DLGAP2: variants seen among roughly 807,000 people sequenced by gnomAD.
The protein encoded by DLGAP2 is disks large-associated protein 2.
Under a neutral mutation model 100.3 loss-of-function variants are expected in DLGAP2, and 26 were observed. The ratio of observed to expected loss-of-function variants is 0.26; its 90% CI spans 0.19 to 0.36. The LOEUF (loss-of-function observed/expected upper bound fraction) is 0.36. Ranked by LOEUF, DLGAP2 falls within the 10% of genes least tolerant of loss-of-function variation. DLGAP2 has a pLI of 1.00. For synonymous variants in DLGAP2, 886 were observed against 630.1 expected (o/e 1.41, Z -6.08); for missense variants, 1,858 against 1,453.2 (o/e 1.28, Z -4.53).
chr8:1,002,334 A>G (rs1214410629), intron 2 of DLGAP2: 15 of 152,224 alleles, frequency 9.9e-5, no homozygotes. Flanking sequence ...GATCTTCCTG[A>G]GATTAGCCCA....
chr8:816,849 C>A (rs1339105431), intron 1 of DLGAP2, among the ~76,000 whole-genome samples: 1 of 152,168 alleles, frequency 6.6e-6, no homozygotes, highest in Non-Finnish European at 1.5e-5. Context: ...TCTCTGGAAA[C>A]AATTATTCTT....
rs1799743409 is a variant in DLGAP2, at chr8:1,707,670, G to A, written c.*6264G>A. ...TCATCCCCCGACCTTCCATACTACA[G>A]ACCAAAATACCCAGGTGTGGCCTAA... On this transcript the variant is annotated 3_prime_UTR_variant, in exon 15 of 15. Transcript: ENST00000637795. The A allele has an allele frequency of 6.6e-6, 1 of 152,172 alleles. No homozygotes were observed. The highest frequency in any genetic ancestry group is 1.9e-4 in the East Asian group (1 of 5,168). 9.4% of individuals were successfully genotyped at this position (152,172 alleles called of 1,614,324 possible).
intron 2 of DLGAP2, among the ~76,000 whole-genome samples, chr8:994,731 G>C (rs184988211): frequency 1.1e-3 from 162 of 152,308 alleles, no homozygotes; most frequent in Non-Finnish European, 1.9e-3. Flanking sequence ...CTGGGCATTG[G>C]AGAGAGCCTG....
chr8:1,443,292 G>T (rs561070595), intron 3 of DLGAP2, among the ~76,000 whole-genome samples: 10 of 151,518 alleles, frequency 6.6e-5, no homozygotes, highest in African/African-American at 2.2e-4. Flanking sequence ...TCCCTCCACT[G>T]CCCAGAGATA....
At chr8:863,685 GC>G (rs1324932914) in intron 1 of DLGAP2, among the ~76,000 whole-genome samples, 1 of 152,166 alleles carries the variant, frequency 6.6e-6, no homozygotes, top group Non-Finnish European at 1.5e-5. Flanking sequence ...CTGTCCCCTG[GC>G]CCCTGTTCGA....
intron 2 of DLGAP2, among the ~76,000 whole-genome samples, chr8:1,257,608 G>A (rs1445984117): frequency 2.0e-5 from 3 of 152,172 alleles, no homozygotes; most frequent in Non-Finnish European, 2.9e-5. Flanking sequence ...TGTGGGCCCC[G>A]GGCTGTCACG....
chr8:909,747 A>T (rs113230264), intron 2 of DLGAP2, among the ~76,000 whole-genome samples: 1 of 152,130 alleles, frequency 6.6e-6, no homozygotes, highest in African/African-American at 2.4e-5. Context: ...CAGAGAAGAG[A>T]GAGGTGTTGG....
At chr8:1,338,291 C>T (rs1801334233) in intron 3 of DLGAP2, among the ~76,000 whole-genome samples, 1 of 152,206 alleles carries the variant, frequency 6.6e-6, no homozygotes, top group African/African-American at 2.4e-5. Context: ...TCCCCATTAG[C>T]CCATCTGCTG....
intron 4 of DLGAP2, among the ~76,000 whole-genome samples, chr8:1,511,398 T>C (rs973516477): frequency 2.8e-5 from 4 of 144,388 alleles, no homozygotes. Flanking sequence ...CCATCTTCCA[T>C]GGTCGTAAGG....
chr8:1,480,943 C>T (rs1007502653), intron 3 of DLGAP2, among the ~76,000 whole-genome samples: 1 of 151,984 alleles, frequency 6.6e-6, no homozygotes, highest in African/African-American at 2.4e-5. Flanking sequence ...GAGGCCGAGG[C>T]GGGCAGATCA....
At chr8:882,282 C>A (rs1028530154) in intron 1 of DLGAP2, among the ~76,000 whole-genome samples, 8 of 151,612 alleles carry the variant, frequency 5.3e-5, no homozygotes, top group Non-Finnish European at 8.8e-5. Context: ...CCTGGCCCAG[C>A]GGCACCTCTC....
intron 12 of DLGAP2, among the ~76,000 whole-genome samples, chr8:1,691,156 A>C (rs554590717): frequency 6.6e-6 from 1 of 152,344 alleles, no homozygotes; most frequent in East Asian, 1.9e-4. Context: ...AGAGTCCATA[A>C]AAATAGGAAG....
At chr8:1,191,336 A>G (rs1303488171) in intron 2 of DLGAP2, among the ~76,000 whole-genome samples, 1 of 151,784 alleles carries the variant, frequency 6.6e-6, no homozygotes, top group Admixed American at 6.6e-5. Context: ...ACGCCCGGCT[A>G]ATTTTTTGTA....
intron 3 of DLGAP2, among the ~76,000 whole-genome samples, chr8:1,284,718 C>T (rs1799888466): frequency 6.6e-6 from 1 of 152,148 alleles, no homozygotes; most frequent in South Asian, 2.1e-4. Flanking sequence ...GCTGCCTGAC[C>T]CTCCCACCTC....
chr8:1,021,888 G>A (rs1801633104), intron 2 of DLGAP2, among the ~76,000 whole-genome samples: 1 of 152,098 alleles, frequency 6.6e-6, no homozygotes, highest in Non-Finnish European at 1.5e-5. Flanking sequence ...CCTCTTGTTT[G>A]TTCCACGACC....
At chr8:1,539,599 C>G (rs1372660331) in intron 4 of DLGAP2, among the ~76,000 whole-genome samples, 1 of 151,992 alleles carries the variant, frequency 6.6e-6, no homozygotes, top group Non-Finnish European at 1.5e-5. Context: ...CACCTTCTCC[C>G]TCTCCAGGCC....
chr8:1,500,687 G>T (rs1412628188), intron 3 of DLGAP2, among the ~76,000 whole-genome samples: 1 of 152,250 alleles, frequency 6.6e-6, no homozygotes, highest in Non-Finnish European at 1.5e-5. Flanking sequence ...GGAAGACAGT[G>T]CTCAGTGACC....
At chr8:1,418,980 C>T (rs1466803256) in intron 3 of DLGAP2, among the ~76,000 whole-genome samples, 1 of 152,248 alleles carries the variant, frequency 6.6e-6, no homozygotes, top group Non-Finnish European at 1.5e-5. Flanking sequence ...TGTAAATGCT[C>T]CCACTCAGGC....
In DLGAP2 at chr8:1,678,481, C is replaced by T. The variant is rs1798865246; in HGVS notation, c.2556C>T (p.Ala852=). 2 of 1,613,300 alleles carry T rather than the reference C, an allele frequency of 1.2e-6. No homozygotes were observed. The highest frequency in any genetic ancestry group is 1.3e-5 in the African/African-American group (1 of 75,030). The change falls in exon 12 of 15, where the codon GCC becomes GCT. Residue 852 remains alanine (A), a synonymous_variant. Transcript: ENST00000637795. Reference sequence around the variant, plus strand: ...CTCCAGACCCCTGGCTGGAGCCCGCCATCGACACGGTAGAGACTGGGAGGA... The same window carrying T: ...CTCCAGACCCCTGGCTGGAGCCCGCTATCGACACGGTAGAGACTGGGAGGA... ...LPPPDPWLEP[A]IDTVETGRMS...
Sources: gnomAD v4.1 joint callset for allele counts (sites outside exome capture counted in the v4.1 genomes callset) on GRCh38, gnomAD v4.1.1 for gene constraint, MANE v1.5 for transcripts, NCBI Gene and HGNC (gene_info 2026-07-23, HGNC 2026-07-21) for gene names.